SGCZ: variants seen among roughly 807,000 people sequenced by gnomAD.
SGCZ encodes sarcoglycan zeta.
A neutral mutation model predicts 41.3 loss-of-function variants in SGCZ; 40 were observed. The observed-to-expected ratio is 0.97, with a 90% CI of 0.75 to 1.26. SGCZ has a LOEUF of 1.26. SGCZ is among the 50% of genes most tolerant of loss of function. The pLI is 0.00. For missense variants in SGCZ, 552 were observed against 369.8 expected, an observed-to-expected ratio of 1.49 and a Z score of -4.04; for synonymous variants, 206 against 137.5, an observed-to-expected ratio of 1.50 and a Z score of -3.49.
intron 4 of SGCZ, among the ~76,000 whole-genome samples, chr8:14,189,045 G>A (rs1466788949): frequency 6.7e-6 from 1 of 148,226 alleles, no homozygotes; most frequent in Non-Finnish European, 1.5e-5. Flanking sequence ...TTTTAGTAGA[G>A]ATGGGGTTTT....
intron 1 of SGCZ, among the ~76,000 whole-genome samples, chr8:14,716,047 T>C (rs1809678381): frequency 1.3e-5 from 2 of 152,072 alleles, no homozygotes; most frequent in African/African-American, 4.8e-5. Context: ...TCACTAATCT[T>C]AGAAATGCTT....
In SGCZ at chr8:14,146,395, G is replaced by A. The variant is rs183474245; in HGVS notation, c.547+18185C>T. ...AAACTTCCCCAGACAAACTAAAGCC[G>A]AGGGATTTCATCAACATCAGCTCTG... On this transcript the variant is annotated intron_variant, in intron 5 of 7. Transcript: ENST00000382080. 2.1e-4 allele frequency among the ~76,000 whole-genome samples: 32 copies of A among 152,200 alleles called. No homozygotes were observed. In the East Asian group the frequency reaches 2.1e-3, roughly 10 times the overall value.
At chr8:14,867,178 T>C (rs1803961105) in intron 1 of SGCZ, among the ~76,000 whole-genome samples, 1 of 152,158 alleles carries the variant, frequency 6.6e-6, no homozygotes, top group South Asian at 2.1e-4. Flanking sequence ...AAGAAATATG[T>C]TTCTAAAGCT....
intron 1 of SGCZ, among the ~76,000 whole-genome samples, chr8:14,738,006 C>A (rs764135173): frequency 7.2e-5 from 11 of 151,942 alleles, no homozygotes; most frequent in Non-Finnish European, 1.3e-4. Context: ...AAATAATGAT[C>A]CCAAGTTCAC....
intron 1 of SGCZ, among the ~76,000 whole-genome samples, chr8:14,677,609 A>G (rs150498574): frequency 0.012 from 1,902 of 152,198 alleles, 35 homozygotes; most frequent in African/African-American, 0.031. Flanking sequence ...AGTCTCTACT[A>G]AAAATACAAA....
intron 1 of SGCZ, among the ~76,000 whole-genome samples, chr8:15,011,778 G>A (rs1160463949): frequency 1.3e-5 from 2 of 152,120 alleles, no homozygotes; most frequent in African/African-American, 4.8e-5. Context: ...AATGTTTATT[G>A]TATGAACTTA....
chr8:15,087,032 G>A lies in SGCZ; in HGVS notation c.39+150553C>T, dbSNP rs1015755613. ...ACATGGGATTTGAATTCACACATGA[G>A]ATTTAGCTCACATTTGTCCTAAGCT... On this transcript the variant is annotated intron_variant, in intron 1 of 7. Coordinates refer to ENST00000382080, the MANE Select transcript of SGCZ (RefSeq NM_139167.4). Among the ~76,000 whole-genome samples, 3 of 152,124 alleles carry A rather than the reference G, an allele frequency of 2.0e-5. No individual in the cohort carries two copies. The East Asian group carries it at 5.8e-4, about 29-fold the overall frequency.
chr8:14,356,000 A>G (rs911614026), intron 2 of SGCZ, among the ~76,000 whole-genome samples: 4 of 152,132 alleles, frequency 2.6e-5, no homozygotes, highest in Non-Finnish European at 5.9e-5. Context: ...CCAATTTTGC[A>G]TTATTTTCTT....
intron 1 of SGCZ, among the ~76,000 whole-genome samples, chr8:15,035,061 G>T (rs1364306678): frequency 1.3e-5 from 2 of 152,068 alleles, no homozygotes; most frequent in Non-Finnish European, 2.9e-5. Context: ...CAGAAAACTA[G>T]TAGTCTACTG....
At chr8:14,552,153 A>G (rs1053302495) in intron 2 of SGCZ, among the ~76,000 whole-genome samples, 2 of 152,032 alleles carry the variant, frequency 1.3e-5, no homozygotes, top group Non-Finnish European at 2.9e-5. Context: ...ATGAAAAGGA[A>G]CATAATGCAC....
intron 1 of SGCZ, among the ~76,000 whole-genome samples, chr8:14,897,511 A>G (rs1286300816): frequency 6.6e-6 from 1 of 152,110 alleles, no homozygotes. Context: ...CCTTTTCAAC[A>G]TGTCAATGGT....
chr8:14,310,628 T>A (rs1213423084), intron 3 of SGCZ, among the ~76,000 whole-genome samples: 2 of 152,274 alleles, frequency 1.3e-5, no homozygotes, highest in East Asian at 1.9e-4. Context: ...AGCAGTCCCA[T>A]TCATATTAAG....
intron 1 of SGCZ, among the ~76,000 whole-genome samples, chr8:14,956,554 C>G (rs1010696129): frequency 5.9e-5 from 9 of 151,950 alleles, no homozygotes; most frequent in Admixed American, 1.3e-4. Flanking sequence ...AATCTCGGTG[C>G]ATACAATGTC....
At chr8:14,829,135 T>G (rs1273837468) in intron 1 of SGCZ, among the ~76,000 whole-genome samples, 1 of 151,918 alleles carries the variant, frequency 6.6e-6, no homozygotes, top group Non-Finnish European at 1.5e-5. Flanking sequence ...GATTATTTCC[T>G]CATCCAGGTA....
At chr8:14,195,479 G>C (rs905286936) in intron 4 of SGCZ, among the ~76,000 whole-genome samples, 1 of 152,100 alleles carries the variant, frequency 6.6e-6, no homozygotes, top group Middle Eastern at 3.4e-3. Context: ...GGGATCAGAA[G>C]ACAGAAAAAA....
At chr8:14,681,209 T>G (rs1292907575) in intron 1 of SGCZ, among the ~76,000 whole-genome samples, 2 of 152,116 alleles carry the variant, frequency 1.3e-5, no homozygotes, top group African/African-American at 4.8e-5. Flanking sequence ...TCCATGATTA[T>G]GAGTCTTGCA....
At chr8:14,624,226 G>C (rs1048123165) in intron 1 of SGCZ, among the ~76,000 whole-genome samples, 1 of 151,974 alleles carries the variant, frequency 6.6e-6, no homozygotes, top group African/African-American at 2.4e-5. Flanking sequence ...ATTTAACAAA[G>C]CCAAAATAAA....
chr8:14,412,309 T>C (rs1563312635), intron 2 of SGCZ, among the ~76,000 whole-genome samples: 1 of 152,098 alleles, frequency 6.6e-6, no homozygotes, highest in Non-Finnish European at 1.5e-5. Context: ...ACAGAAAATA[T>C]GTGTAAAGCA....
At chr8:14,562,631 C>T (rs1331577481) in intron 1 of SGCZ, among the ~76,000 whole-genome samples, 1 of 151,750 alleles carries the variant, frequency 6.6e-6, no homozygotes, top group African/African-American at 2.4e-5. Context: ...TATTTGAAGG[C>T]CTAATTGGAG....
Sources: gnomAD v4.1 joint callset for allele counts (sites outside exome capture counted in the v4.1 genomes callset) on GRCh38, gnomAD v4.1.1 for gene constraint, MANE v1.5 for transcripts, NCBI Gene and HGNC (gene_info 2026-07-23, HGNC 2026-07-21) for gene names.